Variants in PLEKHM3 observed in about 807,000 individuals in gnomAD.
PLEKHM3 encodes the protein pleckstrin homology domain-containing family M member 3.
PLEKHM3 carries 45 observed loss-of-function variants against 81.8 expected under a neutral mutation model. The ratio of observed to expected loss-of-function variants is 0.55; its 90% CI spans 0.43 to 0.71. PLEKHM3 has a LOEUF of 0.71. Among genes scored for constraint, PLEKHM3 ranks in the 30% least tolerant of loss-of-function variants. The pLI is 0.00. For synonymous variants in PLEKHM3, 352 were observed against 356.4 expected (o/e 0.99, Z 0.14); for missense variants, 788 against 924.3 (o/e 0.85, Z 1.91).
intron 4 of PLEKHM3, among the ~76,000 whole-genome samples, chr2:207,944,737 C>G (rs1690065352): frequency 6.6e-6 from 1 of 152,166 alleles, no homozygotes; most frequent in South Asian, 2.1e-4. Flanking sequence ...TTCTCTTATT[C>G]CATGCTCCAA....
intron 2 of PLEKHM3, among the ~76,000 whole-genome samples, chr2:207,988,410 C>T (rs1691794840): frequency 6.6e-6 from 1 of 152,172 alleles, no homozygotes; most frequent in South Asian, 2.1e-4. Context: ...GTAGTATGTA[C>T]CTCACTGTAC....
chr2:207,908,424 T>C (rs1472024798), intron 6 of PLEKHM3, 90 bp downstream of exon 6: 9 of 1,211,234 alleles, frequency 7.4e-6, no homozygotes, highest in African/African-American at 4.7e-5. Flanking sequence ...ACTACCCCAA[T>C]GATGGCAGAA....
intron 3 of PLEKHM3, among the ~76,000 whole-genome samples, chr2:207,965,235 A>G (rs1248967952): frequency 2.0e-5 from 3 of 152,246 alleles, no homozygotes; most frequent in Admixed American, 6.5e-5. Flanking sequence ...TTTGAAGTCA[A>G]TGTGGAATCC....
chr2:207,865,801 A>AAAATATAT lies in PLEKHM3; in HGVS notation c.1951-4540_1951-4539insATATATTT. Among the ~76,000 whole-genome samples, 31 of 25,278 alleles carry AAAATATAT rather than the reference A, an allele frequency of 1.2e-3. 3 individuals are homozygous for AAAATATAT. Among genetic ancestry groups the AAAATATAT allele is most frequent in the African/African-American group, 2.5e-3 (12 of 4,790 alleles). The allele number at this position is 25,278 out of a possible 152,430, so 16.6% of individuals were successfully genotyped here. A position where few individuals can be genotyped will look rare whatever the true frequency, so the allele number is the denominator to read the frequency against. On this transcript the variant is annotated intron_variant, in intron 6 of 7. Transcript: ENST00000427836. ...CGACTCAAAAAAAAAAAAAAAAAAA[A>AAAATATAT]AGATATATATATATATATATATATA...
chr2:207,977,696 A>G (rs1159890002), intron 2 of PLEKHM3, 110 bp from the exon 3 acceptor site: 1 of 922,622 alleles, frequency 1.1e-6, no homozygotes, highest in Non-Finnish European at 1.6e-6. Context: ...AGGGACTGAC[A>G]GTCTTCTGGT....
chr2:207,956,172 A>T (rs1433126627), intron 3 of PLEKHM3, among the ~76,000 whole-genome samples: 1 of 152,222 alleles, frequency 6.6e-6, no homozygotes, highest in African/African-American at 2.4e-5. Flanking sequence ...CTAGAACATA[A>T]GAATCCTGAG....
intron 1 of PLEKHM3, among the ~76,000 whole-genome samples, chr2:208,013,334 A>C (rs1692763280): frequency 6.6e-6 from 1 of 151,972 alleles, no homozygotes; most frequent in Admixed American, 6.6e-5. Context: ...TGGCCAACAT[A>C]GCGAAACCCC....
intron 5 of PLEKHM3, among the ~76,000 whole-genome samples, chr2:207,924,709 A>G (rs1236938277): frequency 6.6e-6 from 1 of 152,120 alleles, no homozygotes; most frequent in East Asian, 1.9e-4. Flanking sequence ...ACAAACAAAC[A>G]AAACAACAAC....
At chr2:207,878,391 C>G (rs1399285584) in intron 6 of PLEKHM3, among the ~76,000 whole-genome samples, 2 of 152,050 alleles carry the variant, frequency 1.3e-5, no homozygotes, top group African/African-American at 2.4e-5. Context: ...GGCGAATCAC[C>G]TGAGGTCAGG....
At chr2:208,017,993 C>T (rs1395794807) in intron 1 of PLEKHM3, among the ~76,000 whole-genome samples, 2 of 152,108 alleles carry the variant, frequency 1.3e-5, no homozygotes, top group African/African-American at 4.8e-5. Flanking sequence ...TTGCCCATAA[C>T]CCTCTTATCT....
intron 6 of PLEKHM3, among the ~76,000 whole-genome samples, chr2:207,896,300 T>C (rs1010923775): frequency 1.3e-5 from 2 of 152,202 alleles, no homozygotes; most frequent in East Asian, 1.9e-4. Context: ...GGAACTGATA[T>C]AGTTGCAAGG....
intron 3 of PLEKHM3, among the ~76,000 whole-genome samples, chr2:207,947,675 A>C (rs1250445287): frequency 6.6e-6 from 1 of 152,192 alleles, no homozygotes; most frequent in Non-Finnish European, 1.5e-5. Flanking sequence ...CTATTTCATG[A>C]AGTGGGGCAA....
intron 7 of PLEKHM3, among the ~76,000 whole-genome samples, chr2:207,836,380 C>T (rs2092319889): frequency 6.6e-6 from 1 of 151,222 alleles, no homozygotes; most frequent in Admixed American, 6.6e-5. Flanking sequence ...AGTCTTTGAC[C>T]CAAACATTAG....
At chr2:208,012,602 T>C (rs780554401) in intron 1 of PLEKHM3, among the ~76,000 whole-genome samples, 3 of 152,208 alleles carry the variant, frequency 2.0e-5, no homozygotes, top group Non-Finnish European at 4.4e-5. Context: ...ATTGAGTTTG[T>C]TCAGTGTGAG....
intron 4 of PLEKHM3, among the ~76,000 whole-genome samples, chr2:207,941,614 G>T (rs1336701621): frequency 2.0e-5 from 3 of 152,126 alleles, no homozygotes; most frequent in African/African-American, 7.2e-5. Flanking sequence ...AGCAAAAATA[G>T]ATAGGTAGGA....
intron 7 of PLEKHM3, among the ~76,000 whole-genome samples, chr2:207,839,194 T>C (rs2092336008): frequency 6.6e-6 from 1 of 152,092 alleles, no homozygotes; most frequent in Admixed American, 6.6e-5. Flanking sequence ...ACATTTCAGT[T>C]CCTCAAAGGA....
chr2:207,849,359 T>C (rs538106886), intron 7 of PLEKHM3, among the ~76,000 whole-genome samples: 10 of 152,080 alleles, frequency 6.6e-5, no homozygotes, highest in African/African-American at 1.7e-4. Flanking sequence ...AGACTAGATG[T>C]AGTAGCAGAG....
chr2:207,832,805 C>A (rs894157116), intron 7 of PLEKHM3, among the ~76,000 whole-genome samples: 3 of 144,480 alleles, frequency 2.1e-5, no homozygotes, highest in Non-Finnish European at 3.0e-5. Flanking sequence ...GCACCTCCCC[C>A]ACACCAGAAA....
intron 3 of PLEKHM3, among the ~76,000 whole-genome samples, chr2:207,968,406 G>C (rs1381644990): frequency 6.6e-6 from 1 of 152,116 alleles, no homozygotes; most frequent in Non-Finnish European, 1.5e-5. Context: ...GGCCACTTTA[G>C]CTCTTTAGCT....
Sources: gnomAD v4.1 joint callset for allele counts (sites outside exome capture counted in the v4.1 genomes callset) on GRCh38, gnomAD v4.1.1 for gene constraint, MANE v1.5 for transcripts, NCBI Gene and HGNC (gene_info 2026-07-23, HGNC 2026-07-21) for gene names.